Variants in DNAI7 observed in about 807,000 individuals in gnomAD.
DNAI7 encodes dynein axonemal intermediate chain 7, also known as cancer susceptibility 1.
DNAI7 carries 78 observed loss-of-function variants against 86.6 expected under a neutral mutation model. The ratio of observed to expected loss-of-function variants is 0.90; its 90% CI spans 0.75 to 1.09. The LOEUF is 1.09. DNAI7 is among the 50% of genes least tolerant of loss of function. The pLI, the probability that DNAI7 is intolerant of heterozygous loss-of-function variation, is 0.00. For synonymous variants in DNAI7, 274 were observed against 273.0 expected (o/e 1.00, Z -0.04); for missense variants, 753 against 810.2 (o/e 0.93, Z 0.86).
chr12:25,192,920 G>A (rs1181893365), intron 1 of DNAI7: 1 of 151,658 alleles, frequency 6.6e-6, no homozygotes, highest in Non-Finnish European at 1.5e-5. Flanking sequence ...GGTCAAAGTG[G>A]GAGAATCACT....
At position 25,195,130 on chromosome 12, in the gene DNAI7, T is replaced by G. The variant is rs774701510; in HGVS notation, c.-52A>C. 1 of 1,590,160 alleles carries G rather than the reference T, an allele frequency of 6.3e-7. No homozygotes were observed. ...CCGCAGAGTCGGAGCAGAAATTGTG[T>G]GGACAAACGCTCCCGGGTTGCCCGG... On this transcript the variant is annotated 5_prime_UTR_variant, in exon 1 of 16. Transcript: ENST00000395987.
intron 2 of DNAI7, among the ~76,000 whole-genome samples, chr12:25,166,144 C>A (rs1436330294): frequency 6.6e-6 from 1 of 152,178 alleles, no homozygotes; most frequent in Non-Finnish European, 1.5e-5. Flanking sequence ...TATCCCATCC[C>A]ATGGCATGCT....
intron 2 of DNAI7, among the ~76,000 whole-genome samples, chr12:25,166,446 G>A (rs866506255): frequency 6.6e-6 from 1 of 151,832 alleles, no homozygotes; most frequent in African/African-American, 2.4e-5. Flanking sequence ...GCCTCTCTTC[G>A]CTTTCACTTG....
At chr12:25,151,246 C>G (rs1355540835) in intron 6 of DNAI7, among the ~76,000 whole-genome samples, 1 of 152,070 alleles carries the variant, frequency 6.6e-6, no homozygotes, top group South Asian at 2.1e-4. Context: ...GTTTTTAGTA[C>G]CTATCTCCTA....
At chr12:25,111,534 C>T (rs1005452393) in intron 14 of DNAI7, among the ~76,000 whole-genome samples, 7 of 152,146 alleles carry the variant, frequency 4.6e-5, no homozygotes, top group African/African-American at 1.2e-4. Context: ...TACCTTTGCA[C>T]TAAACTGACC....
At chr12:25,109,686 T>G (rs867833276) in intron 15 of DNAI7, among the ~76,000 whole-genome samples, 1 of 150,552 alleles carries the variant, frequency 6.6e-6, no homozygotes, top group African/African-American at 2.5e-5. Flanking sequence ...AAATTTGAAT[T>G]TTTTTTTTTG....
At chr12:25,158,342 T>C in intron 4 of DNAI7, 130 bp downstream of exon 4, 1 of 666,718 alleles carries the variant, frequency 1.5e-6, no homozygotes, top group African/African-American at 1.8e-5. Context: ...TCACTTATTC[T>C]ATGGTACGAT....
In DNAI7 at chr12:25,108,568, T is replaced by G. The variant is rs376553933; in HGVS notation, c.2149A>C (p.Arg717=). The G allele has an allele frequency of 1.4e-5, 22 of 1,613,412 alleles. No homozygotes were observed. The highest frequency in any genetic ancestry group is 1.7e-5 in the Non-Finnish European group (20 of 1,179,714). The change falls in exon 16 of 16, where the codon AGA becomes CGA. Residue 717 remains arginine, a synonymous_variant. Transcript: ENST00000395987. ...NSVCHMLLST[R]LLSYS ...GGAGGTTAGGAGTAGCTGAGCAATC[T>G]GGTAGAGAGCAGCATGTGGCACACA...
intron 2 of DNAI7, among the ~76,000 whole-genome samples, chr12:25,170,836 C>T (rs985062577): frequency 6.6e-6 from 1 of 152,148 alleles, no homozygotes; most frequent in Non-Finnish European, 1.5e-5. Flanking sequence ...ATCTTCAAAA[C>T]CATGCAAGTA....
chr12:25,128,469 C>T (rs1040435862), intron 9 of DNAI7, among the ~76,000 whole-genome samples: 15 of 152,096 alleles, frequency 9.9e-5, no homozygotes, highest in Admixed American at 9.8e-4. Flanking sequence ...CGCTTGATTC[C>T]AGAAGTTCAG....
At position 25,112,476 on chromosome 12, in the gene DNAI7, G is replaced by T. The variant is rs562034030; in HGVS notation, c.1612-537C>A. 5.0e-3 allele frequency among the ~76,000 whole-genome samples: 646 copies of T among 130,076 alleles called. 7 individuals carry two copies. The highest frequency in any genetic ancestry group is 8.0e-3 in the Non-Finnish European group (518 of 64,682). 85.3% of individuals were successfully genotyped at this position (130,076 alleles called of 152,430 possible). ...GGCTGGAGTGCAGTGGTGTGATCTT[G>T]GCTCACTGCAAGCTCTGCCTCCCAG... On this transcript the variant is annotated intron_variant, in intron 13 of 15. Transcript: ENST00000395987.
At chr12:25,177,800 T>C (rs1006937963) in intron 2 of DNAI7, among the ~76,000 whole-genome samples, 1 of 152,200 alleles carries the variant, frequency 6.6e-6, no homozygotes, top group Non-Finnish European at 1.5e-5. Flanking sequence ...TCCAAGTCAA[T>C]ATTTGCTAAT....
chr12:25,132,172 A>G (rs573322210), intron 9 of DNAI7, among the ~76,000 whole-genome samples: 1 of 152,212 alleles, frequency 6.6e-6, no homozygotes, highest in South Asian at 2.1e-4. Context: ...TCCTATGAGG[A>G]AAGTATTGCG....
chr12:25,112,065 A>G (rs1938963821), intron 13 of DNAI7, 126 bp from the exon 14 acceptor site: 2 of 487,570 alleles, frequency 4.1e-6, no homozygotes, highest in African/African-American at 2.0e-5. Context: ...ATTAGAAAGA[A>G]TGCAGGGCAA....
chr12:25,156,772 T>C (rs756781151), intron 4 of DNAI7, among the ~76,000 whole-genome samples: 3 of 151,840 alleles, frequency 2.0e-5, no homozygotes, highest in Non-Finnish European at 4.4e-5. Flanking sequence ...TCTGATTTGG[T>C]TGGTGATTAT....
intron 2 of DNAI7, among the ~76,000 whole-genome samples, chr12:25,172,793 A>C (rs963936872): frequency 9.9e-5 from 15 of 152,196 alleles, no homozygotes; most frequent in African/African-American, 3.6e-4. Flanking sequence ...CCCAGAAATA[A>C]ACCCAAATAC....
chr12:25,159,999 A>G (rs1946654998), intron 3 of DNAI7, among the ~76,000 whole-genome samples: 1 of 152,172 alleles, frequency 6.6e-6, no homozygotes, highest in Non-Finnish European at 1.5e-5. Flanking sequence ...AACTGTAAAA[A>G]TTTAGGCTGC....
In DNAI7 at chr12:25,111,846, T is replaced by C. The variant is rs1938894209; in HGVS notation, c.1705A>G (p.Ile569Val). The change falls in exon 14 of 16, where the codon ATT becomes GTT. Residue 569 changes from isoleucine to valine, a missense_variant. Coordinates refer to ENST00000395987, the MANE Select transcript of DNAI7 (RefSeq NM_018272.5). ...TTCAGTCCAGCTTCTTTCAAAGCAA[T>C]AATGAAAGGAATAGGAGTCATCCAG... The part of the protein sequence containing the change: ...GTWMTPIPFI[I>V]ALKEAGLNIF... 6.2e-7 allele frequency: 1 copy of C among 1,603,954 alleles called. No individual in the cohort carries two copies. Among genetic ancestry groups the C allele is most frequent in the African/African-American group, 1.3e-5 (1 of 74,666 alleles).
chr12:25,169,685 T>G (rs947598937), intron 2 of DNAI7, among the ~76,000 whole-genome samples: 1 of 151,580 alleles, frequency 6.6e-6, no homozygotes, highest in African/African-American at 2.4e-5. Context: ...CTGTCTCTAC[T>G]AAAAATACAA....
Sources: gnomAD v4.1 joint callset for allele counts (sites outside exome capture counted in the v4.1 genomes callset) on GRCh38, gnomAD v4.1.1 for gene constraint, MANE v1.5 for transcripts, NCBI Gene and HGNC (gene_info 2026-07-23, HGNC 2026-07-21) for gene names.